RHOBTB1: variants seen among roughly 807,000 people sequenced by gnomAD.
The protein encoded by RHOBTB1 is Rho related BTB domain containing 1.
RHOBTB1 carries 40 observed loss-of-function variants against 71.6 expected under a neutral mutation model. The observed-to-expected ratio is 0.56, with a 90% CI of 0.43 to 0.73. RHOBTB1 has a LOEUF of 0.73. Ranked by LOEUF, RHOBTB1 falls within the 30% of genes least tolerant of loss-of-function variation. The pLI, the probability that RHOBTB1 is intolerant of heterozygous loss-of-function variation, is 0.00. For synonymous variants in RHOBTB1, 319 were observed against 334.9 expected, an observed-to-expected ratio of 0.95 and a Z score of 0.52; for missense variants, 797 against 894.0, an observed-to-expected ratio of 0.89 and a Z score of 1.38.
At chr10:60,899,330 A>T (rs1360275737) in intron 4 of RHOBTB1, among the ~76,000 whole-genome samples, 1 of 152,048 alleles carries the variant, frequency 6.6e-6, no homozygotes, top group African/African-American at 2.4e-5. Context: ...CTCTCTTTCA[A>T]CTCCGTCTGG....
At chr10:60,939,200 G>A (rs1312401874) in intron 2 of RHOBTB1, among the ~76,000 whole-genome samples, 1 of 152,124 alleles carries the variant, frequency 6.6e-6, no homozygotes, top group Non-Finnish European at 1.5e-5. Context: ...TGTATTTGAT[G>A]ACAGAGCTCA....
intron 2 of RHOBTB1, among the ~76,000 whole-genome samples, chr10:60,926,330 A>G (rs971314562): frequency 6.6e-6 from 1 of 152,178 alleles, no homozygotes; most frequent in African/African-American, 2.4e-5. Flanking sequence ...AATCCTACTC[A>G]AGCTATTTCA....
chr10:60,986,987 T>A (rs941531041), intron 1 of RHOBTB1, among the ~76,000 whole-genome samples: 2 of 152,180 alleles, frequency 1.3e-5, no homozygotes, highest in Non-Finnish European at 2.9e-5. Context: ...GGCCAGTTGC[T>A]GCTCATTAAT....
chr10:60,925,214 G>A (rs1292461299), intron 2 of RHOBTB1, among the ~76,000 whole-genome samples: 1 of 152,142 alleles, frequency 6.6e-6, no homozygotes, highest in Admixed American at 6.5e-5. Context: ...CCAGCACCAT[G>A]CTTCATGTAA....
intron 3 of RHOBTB1, 82 bp from the exon 4 acceptor site, chr10:60,911,072 G>T: frequency 9.4e-7 from 1 of 1,067,832 alleles, no homozygotes. Flanking sequence ...AGCACCCTCA[G>T]TGCCATCAAT....
In RHOBTB1 at chr10:60,943,435, T is replaced by C. The variant is rs547431341; in HGVS notation, c.-62+536A>G. Reference sequence around the variant, plus strand: ...GGTAAGGTGCTCTGCAAGCCCCTCATGGCAGCTCCTCCTGTTGTCACAGCA... The same window carrying C: ...GGTAAGGTGCTCTGCAAGCCCCTCACGGCAGCTCCTCCTGTTGTCACAGCA... On this transcript the variant is annotated intron_variant, in intron 1 of 10. Transcript: ENST00000337910. Among the ~76,000 whole-genome samples, 6 of 151,922 alleles carry C rather than the reference T, an allele frequency of 3.9e-5. No homozygotes were observed. The South Asian group carries it at 1.3e-3, about 32-fold the overall frequency.
chr10:60,957,756 G>A (rs539040420), intron 2 of RHOBTB1, among the ~76,000 whole-genome samples: 1 of 152,274 alleles, frequency 6.6e-6, no homozygotes, highest in Admixed American at 6.5e-5. Context: ...CAATGGTAAT[G>A]ATATTTATTG....
downstream of RHOBTB1, among the ~76,000 whole-genome samples, chr10:60,867,190 C>T (rs1203503645): frequency 6.6e-6 from 1 of 152,144 alleles, no homozygotes; most frequent in African/African-American, 2.4e-5. Flanking sequence ...GACAGTTGAA[C>T]TTAACCTTCC....
At chr10:60,971,818 A>C (rs1190841797) in intron 2 of RHOBTB1, among the ~76,000 whole-genome samples, 1 of 152,226 alleles carries the variant, frequency 6.6e-6, no homozygotes, top group African/African-American at 2.4e-5. Flanking sequence ...TAATATCCAG[A>C]ATCTACAAAG....
At chr10:60,925,258 T>G (rs557514751) in intron 2 of RHOBTB1, among the ~76,000 whole-genome samples, 2 of 152,346 alleles carry the variant, frequency 1.3e-5, no homozygotes, top group East Asian at 3.9e-4. Context: ...TAAATCTCTT[T>G]TCTTTATAAA....
At chr10:60,978,290 G>A (rs1009767464) in intron 2 of RHOBTB1, among the ~76,000 whole-genome samples, 29 of 152,122 alleles carry the variant, frequency 1.9e-4, no homozygotes, top group African/African-American at 6.7e-4. Context: ...TATTCCTACC[G>A]TTTCTGAGAC....
At chr10:60,894,222 A>G (rs1294690802) in intron 4 of RHOBTB1, among the ~76,000 whole-genome samples, 1 of 152,212 alleles carries the variant, frequency 6.6e-6, no homozygotes, top group Non-Finnish European at 1.5e-5. Flanking sequence ...GGGTGCTTAC[A>G]TTAAATGTAA....
chr10:60,954,341 A>G (rs1296234044), intron 2 of RHOBTB1, among the ~76,000 whole-genome samples: 8 of 152,196 alleles, frequency 5.3e-5, no homozygotes, highest in Non-Finnish European at 1.0e-4. Flanking sequence ...AATTATTATA[A>G]AAATACAGAA....
At chr10:60,903,113 G>C (rs1564883436) in intron 4 of RHOBTB1, among the ~76,000 whole-genome samples, 1 of 152,190 alleles carries the variant, frequency 6.6e-6, no homozygotes, top group Admixed American at 6.5e-5. Flanking sequence ...CAGAGAGGGT[G>C]GGAAGAGTGC....
rs201104696 is a variant in RHOBTB1, at chr10:60,887,255, T to C, written c.1456+957A>G. 1.4e-4 allele frequency among the ~76,000 whole-genome samples: 22 copies of C among 152,316 alleles called. No individual in the cohort carries two copies. The East Asian group carries it at 4.0e-3, about 28-fold the overall frequency. ...ACTGTTTCTGTAACACAATGGCCAG[T>C]GTTTGAAGTAAATACTACTCATAAG... On this transcript the variant is annotated intron_variant, in intron 6 of 10. Transcript: ENST00000337910.
chr10:60,995,474 A>C (rs754192542), intron 1 of RHOBTB1, among the ~76,000 whole-genome samples: 48 of 152,198 alleles, frequency 3.2e-4, no homozygotes, highest in Non-Finnish European at 6.0e-4. Flanking sequence ...TTTGCAAATT[A>C]TCTCTGATAA....
In RHOBTB1 at chr10:60,956,561, C is replaced by T. The variant is rs188680551; in HGVS notation, c.-61-14707G>A. ...TTATAATAACATTTGGCTTAAAATACAAACACATTTAGCTGTACAAAAATA... is the reference window on the plus strand; with the variant it reads ...TTATAATAACATTTGGCTTAAAATATAAACACATTTAGCTGTACAAAAATA... On this transcript the variant is annotated intron_variant, in intron 2 of 11. Coordinates refer to the RHOBTB1 transcript ENST00000357917. Among the ~76,000 whole-genome samples, 699 of 152,122 alleles carry T rather than the reference C, an allele frequency of 4.6e-3. 1 individual carries two copies. Among genetic ancestry groups the T allele is most frequent in the Non-Finnish European group, 7.0e-3 (479 of 67,972 alleles).
At position 60,885,751 on chromosome 10, in the gene RHOBTB1, C is replaced by T. The variant is rs554251348; in HGVS notation, c.1575+361G>A. Among the ~76,000 whole-genome samples, 8 of 152,326 alleles carry T rather than the reference C, an allele frequency of 5.3e-5. No homozygotes were observed. The South Asian group carries it at 1.7e-3, about 32-fold the overall frequency. On this transcript the variant is annotated intron_variant, in intron 7 of 10. Transcript: ENST00000337910. ...TACTGGGAGACATGCTCCTCTTGTA[C>T]TTGGTTTTGATAGTACCATGCCTGG...
chr10:60,984,145 T>C (rs999267373), intron 2 of RHOBTB1, among the ~76,000 whole-genome samples: 1 of 152,172 alleles, frequency 6.6e-6, no homozygotes, highest in African/African-American at 2.4e-5. Flanking sequence ...AACCAGTTAA[T>C]ATGCACGTAC....
Sources: allele counts gnomAD v4.1 joint callset (sites outside exome capture counted in the v4.1 genomes callset), GRCh38; gene constraint gnomAD v4.1.1; transcripts MANE v1.5; gene names NCBI Gene and HGNC (gene_info 2026-07-23, HGNC 2026-07-21).